The following NSD2 variants were observed in gnomAD, a reference collection of about 807,000 sequenced individuals.
NSD2 encodes the protein histone-lysine N-methyltransferase NSD2.
Under a neutral mutation model 139.0 loss-of-function variants are expected in NSD2, and 12 were observed. The observed-to-expected ratio is 0.09, with a 90% confidence interval of 0.06 to 0.14. The LOEUF is 0.14. Ranked by LOEUF, NSD2 falls within the 10% of genes least tolerant of loss-of-function variation. The probability of loss-of-function intolerance (pLI) is 1.00; values close to 1 mark genes in which losing one functional copy is unlikely to be tolerated. For synonymous variants in NSD2, 669 were observed against 648.7 expected (o/e 1.03, Z -0.48); for missense variants, 1,155 against 1,745.0 (o/e 0.66, Z 6.02).
intron 5 of NSD2, among the ~76,000 whole-genome samples, chr4:1,919,836 T>C (rs1296238395): frequency 6.6e-6 from 1 of 151,926 alleles, no homozygotes; most frequent in African/African-American, 2.4e-5. Context: ...CTCAGGAGGC[T>C]GAGGCAGGAA....
Position 1,955,680 on chromosome 4 carries a change from C to T in NSD2, c.2519-13C>T, listed in dbSNP as rs535649974. On this transcript the variant is annotated splice_polypyrimidine_tract_variant and intron_variant, in intron 13 of 21. Transcript: ENST00000508803. This position sits in a 1 kb window ranked among gnomAD's most constrained non-coding sequence, Gnocchi z 4.7. Reference sequence around the variant, plus strand: ...GACAGGCTAAGCCTGGCCGCCTCGCCCTCCTCTTGCAGGGGGGAGCCTTCT... The same window carrying T: ...GACAGGCTAAGCCTGGCCGCCTCGCTCTCCTCTTGCAGGGGGGAGCCTTCT... 1.9e-6 allele frequency: 3 copies of T among 1,608,692 alleles called. No homozygotes were observed. In the South Asian group the frequency reaches 3.3e-5, roughly 18 times the overall value.
chr4:1,876,106 C>A (rs185127639), intron 1 of NSD2, among the ~76,000 whole-genome samples: 1 of 151,332 alleles, frequency 6.6e-6, no homozygotes, highest in African/African-American at 2.4e-5. Context: ...CCCAGCTACT[C>A]GGGAGGCTGA....
At chr4:1,938,252 TG>T (rs1348630840) in intron 7 of NSD2, among the ~76,000 whole-genome samples, 198 bp from the exon 8 acceptor site, 1 of 152,166 alleles carries the variant, frequency 6.6e-6, no homozygotes, top group Non-Finnish European at 1.5e-5. Context: ...TGGGCAACCA[TG>T]GATGACTTAT....
Position 1,981,269 on chromosome 4 carries a change from T to C in NSD2, c.*2360T>C, listed in dbSNP as rs1473841038. ...TGAATGTCTCTACAATACCCGTTGA[T>C]AACTCAGTGGAGCCAGGCTTTGGGG... On this transcript the variant is annotated 3_prime_UTR_variant, in exon 22 of 22. Coordinates refer to ENST00000508803, the MANE Select transcript of NSD2 (RefSeq NM_001042424.3). 1 of 233,216 alleles carries C rather than the reference T, an allele frequency of 4.3e-6. No homozygotes were observed. The highest frequency in any genetic ancestry group is 5.6e-5 in the Admixed American group (1 of 17,794). The allele number at this position is 233,216 out of a possible 1,614,324, so 14.4% of individuals were successfully genotyped here. A position where few individuals can be genotyped will look rare whatever the true frequency, so the allele number is the denominator to read the frequency against.
intron 1 of NSD2, among the ~76,000 whole-genome samples, chr4:1,893,306 A>G (rs545215334): frequency 1.3e-5 from 2 of 152,208 alleles, no homozygotes; most frequent in African/African-American, 2.4e-5. Flanking sequence ...CGTCTCTACT[A>G]AAAGTACAAA....
intron 3 of NSD2, among the ~76,000 whole-genome samples, chr4:1,908,948 C>T (rs1718300808): frequency 6.6e-6 from 1 of 152,064 alleles, no homozygotes. Flanking sequence ...ATACCTGTCC[C>T]CAGCAGCCAC....
chr4:1,948,573 CG>C lies in NSD2; in HGVS notation c.1882-2497del, dbSNP rs374710093. The C allele has an allele frequency of 8.4e-5, 89 of 1,063,928 alleles. No homozygotes were observed. The African/African-American group carries it at 1.0e-3, about 12-fold the overall frequency. 65.9% of individuals were successfully genotyped at this position (1,063,928 alleles called of 1,614,324 possible). A position where few individuals can be genotyped will look rare whatever the true frequency, so the allele number is the denominator to read the frequency against. ...GGGAGGGGGTGTGGTGGGAAAAAGT[CG>C]GAATCTCTGCAATCTGTGTCATGGA... On this transcript the variant is annotated intron_variant, in intron 9 of 21. Coordinates refer to ENST00000508803, the MANE Select transcript of NSD2 (RefSeq NM_001042424.3). This position sits in a 1 kb window ranked among gnomAD's most constrained non-coding sequence, Gnocchi z 4.5.
At chr4:1,923,301 A>G (rs1362720436) in intron 5 of NSD2, among the ~76,000 whole-genome samples, 1 of 150,122 alleles carries the variant, frequency 6.7e-6, no homozygotes, top group African/African-American at 2.5e-5. Context: ...AGCCTGGGTG[A>G]CAGAGACCCT....
At chr4:1,922,740 A>C (rs1471067010) in intron 5 of NSD2, among the ~76,000 whole-genome samples, 1 of 152,188 alleles carries the variant, frequency 6.6e-6, no homozygotes, top group Non-Finnish European at 1.5e-5. Flanking sequence ...AGCCTGGCCA[A>C]CATGATGAAA....
In NSD2 at chr4:1,981,246, A is replaced by T; in HGVS notation, c.*2337A>T. 4.3e-6 allele frequency: 1 copy of T among 233,294 alleles called. No individual in the cohort carries two copies. Among genetic ancestry groups the T allele is most frequent in the Non-Finnish European group, 8.5e-6 (1 of 118,046 alleles). The allele number at this position is 233,294 out of a possible 1,614,324, so 14.5% of individuals were successfully genotyped here. A position where few individuals can be genotyped will look rare whatever the true frequency, so the allele number is the denominator to read the frequency against. ...TAATGAGCAAGTAACACTAACTTTG[A>T]ATGTCTCTACAATACCCGTTGATAA... On this transcript the variant is annotated 3_prime_UTR_variant, in exon 22 of 22. Coordinates refer to ENST00000508803, the MANE Select transcript of NSD2 (RefSeq NM_001042424.3).
Position 1,904,201 on chromosome 4 carries a change from G to A in NSD2, c.598-15G>A, listed in dbSNP as rs112893919. ...TTGGATGTGTTAGTGTTTGTCTTCTGTTGTTCATTTTCAGATTCCAGCTAA... is the reference window on the plus strand; with the variant it reads ...TTGGATGTGTTAGTGTTTGTCTTCTATTGTTCATTTTCAGATTCCAGCTAA... On this transcript the variant is annotated splice_polypyrimidine_tract_variant and intron_variant, in intron 2 of 21. Coordinates refer to ENST00000508803, the MANE Select transcript of NSD2 (RefSeq NM_001042424.3). 136 of 1,611,280 alleles carry A rather than the reference G, an allele frequency of 8.4e-5. 1 individual carries two copies. The African/African-American group carries it at 9.7e-4, about 12-fold the overall frequency.
rs1349540674 is a variant in NSD2 at position 1,956,787 on chromosome 4, G to A, written c.2881+599G>A. ...GAGAAAACCCGAGGTGTGTGCATGT[G>A]GCTCGTTCAGGGAGAAGCACACGCT... On this transcript the variant is annotated intron_variant, in intron 15 of 21. Transcript: ENST00000508803. This position sits in a 1 kb window ranked among gnomAD's most constrained non-coding sequence, Gnocchi z 5.3. Among the ~76,000 whole-genome samples the A allele has an allele frequency of 2.0e-5, 3 of 152,244 alleles. No individual in the cohort carries two copies. Among genetic ancestry groups the A allele is most frequent in the African/African-American group, 7.2e-5 (3 of 41,466 alleles).
chr4:1,916,781 A>C, intron 3 of NSD2, 90 bp from the exon 4 acceptor site: 3 of 1,346,072 alleles, frequency 2.2e-6, no homozygotes, highest in Non-Finnish European at 3.1e-6. Flanking sequence ...AGACAACACC[A>C]AGGGAAACAA....
Position 1,918,197 on chromosome 4 carries a change from A to G in NSD2, c.984A>G (p.Gln328=), listed in dbSNP as rs769942097. 2 of 1,613,384 alleles carry G rather than the reference A, an allele frequency of 1.2e-6. No individual in the cohort carries two copies. The highest frequency in any genetic ancestry group is 1.7e-6 in the Non-Finnish European group (2 of 1,179,956). ...LRAQWEMGIV[Q]AEEAASMSVE... ...CCCAGTGGGAAATGGGCATTGTTCA[A>G]GCAGAAGAAGCTGCAAGCATGTCAG... Residue 328 remains glutamine, a synonymous_variant, in exon 5 of 22, where the codon CAA becomes CAG. Transcript: ENST00000508803.
At chr4:1,887,438 C>T (rs931998853) in intron 1 of NSD2, 1 of 152,110 alleles carries the variant, frequency 6.6e-6, no homozygotes, top group African/African-American at 2.4e-5. Context: ...GGGAAACAGA[C>T]CTTCATCTCT....
chr4:1,978,554 A>G (rs975957224), intron 21 of NSD2, 84 bp from the exon 22 acceptor site: 8 of 1,522,024 alleles, frequency 5.3e-6, no homozygotes, highest in Non-Finnish European at 6.2e-6. Context: ...TTGACCTGAC[A>G]GTTGTAAGTC....
intron 1 of NSD2, among the ~76,000 whole-genome samples, chr4:1,891,042 T>C (rs1003888706): frequency 1.3e-5 from 2 of 151,636 alleles, no homozygotes; most frequent in Admixed American, 1.3e-4. Context: ...CACAGGCACA[T>C]GCCACCACGC....
chr4:1,920,779 A>C (rs1369589579), intron 5 of NSD2, among the ~76,000 whole-genome samples: 1 of 151,766 alleles, frequency 6.6e-6, no homozygotes, highest in East Asian at 1.9e-4. Context: ...CACACCTGTC[A>C]TCCCAGCACT....
Position 1,941,339 on chromosome 4 carries a change from A to T in NSD2, c.1881+1561A>T, listed in dbSNP as rs1469627002. On this transcript the variant is annotated intron_variant, in intron 9 of 21. Coordinates refer to ENST00000508803, the MANE Select transcript of NSD2 (RefSeq NM_001042424.3). ...TGTTGCTTATACTGTTGTCAGGTAC[A>T]GTAGAGAGAACATGGAGCCTGCTGA... 3 of 1,052,690 alleles carry T rather than the reference A, an allele frequency of 2.8e-6. No homozygotes were observed. The East Asian group carries it at 1.6e-4, about 57-fold the overall frequency. The allele number at this position is 1,052,690 out of a possible 1,614,324, so 65.2% of individuals were successfully genotyped here.
Sources: gnomAD v4.1 joint callset for allele counts (sites outside exome capture counted in the v4.1 genomes callset) on GRCh38, gnomAD v4.1.1 for gene constraint, Gnocchi (gnomAD v3.1) non-coding constraint, MANE v1.5 for transcripts, NCBI Gene and HGNC (gene_info 2026-07-23, HGNC 2026-07-21) for gene names.